Variants in NRTN observed in about 807,000 individuals in gnomAD.
NRTN encodes neurturin.
In NRTN, 3 loss-of-function variants were observed where a neutral mutation model predicts 7.5. The observed-to-expected ratio is 0.40, with a 90% CI of 0.18 to 1.03. The LOEUF is 1.03. Ranked by LOEUF, NRTN falls within the 50% of genes least tolerant of loss-of-function variation. The pLI is 0.34. For missense variants in NRTN, 310 were observed against 307.0 expected (o/e 1.01, Z -0.07); for synonymous variants, 157 against 146.6 (o/e 1.07, Z -0.51).
chr19:5,825,015 G>A (rs2057040580), intron 2 of NRTN, among the ~76,000 whole-genome samples: 1 of 152,076 alleles, frequency 6.6e-6, no homozygotes, highest in African/African-American at 2.4e-5. Flanking sequence ...GGTGGGAGGA[G>A]AGAGAGGCTG....
chr19:5,828,026 C>T lies in NRTN; in HGVS notation c.447C>T (p.Arg149=), dbSNP rs777967899. Residue 149 remains arginine, a synonymous_variant, in exon 3 of 3, where the codon CGC becomes CGT. Transcript: ENST00000303212. ...RVYDLGLRRL[R]QRRRLRRERV... is the part of the protein sequence containing the mutation. Reference sequence around the variant, plus strand: ...ACGACCTCGGGCTGCGACGACTGCGCCAGCGGCGGCGCCTGCGGCGGGAGC... The same window carrying T: ...ACGACCTCGGGCTGCGACGACTGCGTCAGCGGCGGCGCCTGCGGCGGGAGC... 2.1e-6 allele frequency: 3 copies of T among 1,420,998 alleles called. No homozygotes were observed. The highest frequency in any genetic ancestry group is 9.1e-7 in the Non-Finnish European group (1 of 1,095,820). 88.0% of individuals were successfully genotyped at this position (1,420,998 alleles called of 1,614,324 possible). A position where few individuals can be genotyped will look rare whatever the true frequency, so the allele number is the denominator to read the frequency against.
chr19:5,820,331 C>T (rs1449947681), intron 1 of NRTN, among the ~76,000 whole-genome samples: 1 of 145,268 alleles, frequency 6.9e-6, no homozygotes, highest in African/African-American at 2.7e-5. Context: ...CTTTTGGAGG[C>T]TGAGGTGGGT....
chr19:5,810,763 T>C (rs2056988023), intron 1 of NRTN, among the ~76,000 whole-genome samples: 4 of 151,666 alleles, frequency 2.6e-5, no homozygotes, highest in Admixed American at 2.6e-4. Context: ...ACCCCATCTC[T>C]ACTAAAAATA....
intron 1 of NRTN, among the ~76,000 whole-genome samples, chr19:5,810,946 A>T (rs976848172): frequency 6.6e-6 from 1 of 151,320 alleles, no homozygotes; most frequent in Non-Finnish European, 1.5e-5. Flanking sequence ...AAAAGAATAT[A>T]TAGGTTATAG....
rs148855785 is a variant in NRTN, at chr19:5,817,822, C to T, written c.-398-5946C>T. 3.5e-3 allele frequency among the ~76,000 whole-genome samples: 527 copies of T among 152,216 alleles called. 2 individuals carry two copies. Among genetic ancestry groups the T allele is most frequent in the African/African-American group, 0.012 (503 of 41,540 alleles). ...TGTTTTGTTTTGTTTCGTTTCCAGACGGAGTCTTGCTCTGTCACCAAGGCT... is the reference window on the plus strand; with the variant it reads ...TGTTTTGTTTTGTTTCGTTTCCAGATGGAGTCTTGCTCTGTCACCAAGGCT... On this transcript the variant is annotated intron_variant, in intron 1 of 2. Coordinates refer to ENST00000303212, the MANE Select transcript of NRTN (RefSeq NM_004558.5).
chr19:5,823,385 C>G (rs941737492), intron 1 of NRTN, among the ~76,000 whole-genome samples: 1 of 151,978 alleles, frequency 6.6e-6, no homozygotes, highest in Non-Finnish European at 1.5e-5. Flanking sequence ...CCACTGCACT[C>G]CAGCCTGAGG....
chr19:5,818,786 C>T (rs549515109), intron 1 of NRTN, among the ~76,000 whole-genome samples: 192 of 152,052 alleles, frequency 1.3e-3, no homozygotes, highest in Non-Finnish European at 1.6e-3. Flanking sequence ...TGGTCGCGTC[C>T]GTGCCAGAGA....
At chr19:5,823,055 G>A (rs1258222451) in intron 1 of NRTN, among the ~76,000 whole-genome samples, 2 of 122,968 alleles carry the variant, frequency 1.6e-5, no homozygotes, top group Admixed American at 1.9e-4. Flanking sequence ...GAGAAAGAAA[G>A]AAAGGAAAGA....
chr19:5,811,710 GT>G lies in NRTN; in HGVS notation c.-399+6271del, dbSNP rs57430586. Among the ~76,000 whole-genome samples, 666 of 109,700 alleles carry G rather than the reference GT, an allele frequency of 6.1e-3. 6 individuals are homozygous for G. The highest frequency in any genetic ancestry group is 0.027 in the African/African-American group (565 of 20,592). The allele number at this position is 109,700 out of a possible 152,430, so 72.0% of individuals were successfully genotyped here. On this transcript the variant is annotated intron_variant, in intron 1 of 2. Transcript: ENST00000303212. The stretch of plus-strand genomic sequence containing the variant: ...ACCACACCCGGCTAATTTGTTTTTT[GT>G]TTTTTTTTTTTGTATTTTCAGTAGA...
chr19:5,809,814 A>G (rs1463549138), intron 1 of NRTN, among the ~76,000 whole-genome samples: 1 of 152,178 alleles, frequency 6.6e-6, no homozygotes, highest in African/African-American at 2.4e-5. Context: ...TCTCTCAAAC[A>G]GCAGGTCCTA....
intron 1 of NRTN, among the ~76,000 whole-genome samples, chr19:5,820,284 T>A (rs1211946923): frequency 1.9e-5 from 2 of 102,800 alleles, no homozygotes; most frequent in African/African-American, 4.2e-5. Context: ...AAAAAAAAAA[T>A]TGCCGGGCAC....
intron 1 of NRTN, among the ~76,000 whole-genome samples, chr19:5,814,120 T>C (rs1198214544): frequency 2.0e-5 from 3 of 152,104 alleles, no homozygotes; most frequent in Admixed American, 2.0e-4. Flanking sequence ...GTGTGCAGAC[T>C]TGGGATCTGC....
At chr19:5,819,913 CTA>C (rs1379741803) in intron 1 of NRTN, among the ~76,000 whole-genome samples, 1 of 151,862 alleles carries the variant, frequency 6.6e-6, no homozygotes, top group Non-Finnish European at 1.5e-5. Context: ...GTTGGAATGA[CTA>C]TATCTGTGTT....
chr19:5,809,862 C>T (rs1034655270), intron 1 of NRTN, among the ~76,000 whole-genome samples: 2 of 152,184 alleles, frequency 1.3e-5, no homozygotes, highest in African/African-American at 4.8e-5. Context: ...CTCTTGTTAA[C>T]ACAGGCCAGC....
rs1289217670 is a variant in NRTN at position 5,828,037 on chromosome 19, G to A, written c.458G>A (p.Arg153His). 3.5e-6 allele frequency: 5 copies of A among 1,416,144 alleles called. No individual in the cohort carries two copies. The highest frequency in any genetic ancestry group is 1.5e-5 in the African/African-American group (1 of 66,342). The allele number at this position is 1,416,144 out of a possible 1,614,324, so 87.7% of individuals were successfully genotyped here. The change falls in exon 3 of 3, where the codon CGC (arginine) becomes CAC (histidine). Residue 153 changes from arginine to histidine, a missense_variant. Coordinates refer to ENST00000303212, the MANE Select transcript of NRTN (RefSeq NM_004558.5). ...LGLRRLRQRR[R>H]LRRERVRAQP... is the part of the protein sequence containing the mutation. ...CTGCGACGACTGCGCCAGCGGCGGC[G>A]CCTGCGGCGGGAGCGGGTGCGCGCG...
chr19:5,817,564 A>AAGGGAGGG (rs201590947), intron 1 of NRTN, among the ~76,000 whole-genome samples: 4 of 126,140 alleles, frequency 3.2e-5, no homozygotes, highest in Non-Finnish European at 6.6e-5. Context: ...GGAAGGAAGG[A>AAGGGAGGG]AGGGAGGGAG....
At chr19:5,814,068 G>A (rs1036842598) in intron 1 of NRTN, among the ~76,000 whole-genome samples, 1 of 152,128 alleles carries the variant, frequency 6.6e-6, no homozygotes, top group East Asian at 1.9e-4. Flanking sequence ...GAAACGGAGA[G>A]GAAGGAGAAG....
chr19:5,828,240 C>G lies in NRTN; in HGVS notation c.*67C>G, dbSNP rs2057057090. 1.3e-6 allele frequency: 2 copies of G among 1,488,774 alleles called. No individual in the cohort carries two copies. The highest frequency in any genetic ancestry group is 2.1e-5 in the Admixed American group (1 of 47,860). 92.2% of individuals were successfully genotyped at this position (1,488,774 alleles called of 1,614,324 possible). A position where few individuals can be genotyped will look rare whatever the true frequency, so the allele number is the denominator to read the frequency against. ...TCGACGGCACCACTGGCCGGCCCCGCGAAAGACTGCGCGTGCGTAGAGCAC... is the reference window on the plus strand; with the variant it reads ...TCGACGGCACCACTGGCCGGCCCCGGGAAAGACTGCGCGTGCGTAGAGCAC... On this transcript the variant is annotated 3_prime_UTR_variant, in exon 3 of 3. Coordinates refer to ENST00000303212, the MANE Select transcript of NRTN (RefSeq NM_004558.5).
At chr19:5,820,449 C>G (rs1178473248) in intron 1 of NRTN, among the ~76,000 whole-genome samples, 1 of 151,420 alleles carries the variant, frequency 6.6e-6, no homozygotes, top group East Asian at 1.9e-4. Flanking sequence ...GCCTGTAGTC[C>G]CAGCTACTCT....
Sources: allele counts gnomAD v4.1 joint callset (sites outside exome capture counted in the v4.1 genomes callset), GRCh38; gene constraint gnomAD v4.1.1; transcripts MANE v1.5; gene names NCBI Gene and HGNC (gene_info 2026-07-23, HGNC 2026-07-21).